Variants in XRCC5 observed in about 807,000 individuals in gnomAD.
XRCC5 encodes the protein X-ray repair cross complementing 5, also known as DNA repair protein Ku80.
Under a neutral mutation model 95.7 loss-of-function variants are expected in XRCC5, and 12 were observed. The ratio of observed to expected loss-of-function variants is 0.13; its 90% CI spans 0.08 to 0.20. The LOEUF is 0.20. XRCC5 is among the 10% of genes least tolerant of loss of function. The probability of loss-of-function intolerance (pLI) is 1.00; values close to 1 mark genes in which losing one functional copy is unlikely to be tolerated. For missense variants in XRCC5, 595 were observed against 873.9 expected (o/e 0.68, Z 4.02); for synonymous variants, 281 against 290.3 (o/e 0.97, Z 0.33).
At chr2:216,171,944 G>A (rs1689173210) in intron 16 of XRCC5, among the ~76,000 whole-genome samples, 1 of 152,186 alleles carries the variant, frequency 6.6e-6, no homozygotes, top group African/African-American at 2.4e-5. Flanking sequence ...AAATTATAGA[G>A]TTGTGAAATT....
chr2:216,189,642 C>A (rs575930005), intron 16 of XRCC5, among the ~76,000 whole-genome samples: 1 of 152,216 alleles, frequency 6.6e-6, no homozygotes, highest in South Asian at 2.1e-4. Context: ...ATATTCAGGT[C>A]CAGCTAAGGG....
chr2:216,153,124 C>A (rs1384395589), intron 14 of XRCC5, among the ~76,000 whole-genome samples: 1 of 152,158 alleles, frequency 6.6e-6, no homozygotes, highest in Non-Finnish European at 1.5e-5. Context: ...AGCTCTCATT[C>A]TCACCAGCTT....
chr2:216,124,730 C>G (rs998015968), intron 6 of XRCC5, among the ~76,000 whole-genome samples: 2 of 152,146 alleles, frequency 1.3e-5, no homozygotes, highest in African/African-American at 2.4e-5. Context: ...CTTTGTAGAT[C>G]TGTTTTTTAT....
At chr2:216,173,185 C>G (rs1689203450) in intron 16 of XRCC5, among the ~76,000 whole-genome samples, 1 of 151,894 alleles carries the variant, frequency 6.6e-6, no homozygotes, top group Admixed American at 6.6e-5. Flanking sequence ...GAAAGCTTTA[C>G]TTCTTCTTTT....
chr2:216,138,880 G>A (rs1442734467), intron 12 of XRCC5, among the ~76,000 whole-genome samples: 1 of 152,220 alleles, frequency 6.6e-6, no homozygotes, highest in Non-Finnish European at 1.5e-5. Context: ...GTCTGTGTCT[G>A]TGTTAAGATT....
intron 5 of XRCC5, among the ~76,000 whole-genome samples, chr2:216,120,658 T>G (rs1696787035): frequency 6.6e-6 from 1 of 152,204 alleles, no homozygotes; most frequent in Non-Finnish European, 1.5e-5. Flanking sequence ...TGGGTTCAAG[T>G]GAACCTCCTA....
intron 14 of XRCC5, 89 bp downstream of exon 14, chr2:216,148,365 C>T: frequency 1.6e-6 from 2 of 1,240,408 alleles, no homozygotes; most frequent in Non-Finnish European, 2.2e-6. Flanking sequence ...ACATAGGGGT[C>T]TATGGAATTT....
rs41298738 is a variant in XRCC5 at position 216,118,606 on chromosome 2, T to A, written c.369-437T>A. Among the ~76,000 whole-genome samples, 299 of 152,352 alleles carry A rather than the reference T, an allele frequency of 2.0e-3. 2 individuals are homozygous for A. The highest frequency in any genetic ancestry group is 6.8e-3 in the African/African-American group (283 of 41,578). On this transcript the variant is annotated intron_variant, in intron 4 of 20. Coordinates refer to ENST00000392132, the MANE Select transcript of XRCC5 (RefSeq NM_021141.4). ...TGCACTAAAATCCCAGACCTAAATC[T>A]GTGTAATCATTTCTCAATCTCTGTA...
At chr2:216,189,414 G>T (rs916037068) in intron 16 of XRCC5, among the ~76,000 whole-genome samples, 1 of 152,194 alleles carries the variant, frequency 6.6e-6, no homozygotes, top group Non-Finnish European at 1.5e-5. Flanking sequence ...GTTTTGATCT[G>T]CACAGCATTA....
At chr2:216,188,426 CAT>C (rs1689548968) in intron 16 of XRCC5, among the ~76,000 whole-genome samples, 1 of 152,336 alleles carries the variant, frequency 6.6e-6, no homozygotes, top group East Asian at 1.9e-4. Flanking sequence ...CAGAACATAA[CAT>C]AGTATCTTCT....
At chr2:216,143,431 T>C (rs1697202043) in intron 13 of XRCC5, among the ~76,000 whole-genome samples, 1 of 152,198 alleles carries the variant, frequency 6.6e-6, no homozygotes, top group South Asian at 2.1e-4. Context: ...ATTAATACTA[T>C]TTTGCACACT....
intron 14 of XRCC5, among the ~76,000 whole-genome samples, chr2:216,148,904 A>G (rs182418476): frequency 1.1e-3 from 165 of 151,740 alleles, no homozygotes; most frequent in Non-Finnish European, 1.7e-3. Context: ...TTCAAAACAA[A>G]ACAAAAATAA....
intron 16 of XRCC5, among the ~76,000 whole-genome samples, chr2:216,185,215 CT>C (rs1282159165): frequency 6.6e-6 from 1 of 152,192 alleles, no homozygotes; most frequent in Non-Finnish European, 1.5e-5. Flanking sequence ...CTTTAACACA[CT>C]TCGTAACCTG....
rs149236786 is a variant in XRCC5, at chr2:216,141,427, G to A, written c.1476+108G>A. On this transcript the variant is annotated intron_variant, in intron 13 of 20. Transcript: ENST00000392132. Reference sequence around the variant, plus strand: ...AAATAAATGTCTTTTTTCTCTGAAGGCCCCATTTGCTCTATTTAATGGAAG... The same window carrying A: ...AAATAAATGTCTTTTTTCTCTGAAGACCCCATTTGCTCTATTTAATGGAAG... 77 of 1,136,728 alleles carry A rather than the reference G, an allele frequency of 6.8e-5. No homozygotes were observed. The East Asian group carries it at 1.8e-3, about 27-fold the overall frequency. 70.4% of individuals were successfully genotyped at this position (1,136,728 alleles called of 1,614,324 possible).
intron 2 of XRCC5, among the ~76,000 whole-genome samples, chr2:216,115,782 G>C (rs1243113766): frequency 1.3e-5 from 2 of 151,326 alleles, no homozygotes; most frequent in Non-Finnish European, 2.9e-5. Context: ...GTCTTATGCT[G>C]TAAATCCTAA....
At chr2:216,171,585 C>T (rs1414836456) in intron 16 of XRCC5, among the ~76,000 whole-genome samples, 2 of 152,140 alleles carry the variant, frequency 1.3e-5, no homozygotes, top group Admixed American at 6.5e-5. Context: ...CTGTTCATGT[C>T]TCTCAGTGGT....
intron 14 of XRCC5, among the ~76,000 whole-genome samples, chr2:216,157,316 C>T (rs1688864157): frequency 6.6e-6 from 1 of 151,912 alleles, no homozygotes; most frequent in Non-Finnish European, 1.5e-5. Context: ...TCACTGCAAG[C>T]TCTGCCTCCC....
At chr2:216,120,963 G>A (rs553026490) in intron 5 of XRCC5, among the ~76,000 whole-genome samples, 2 of 151,924 alleles carry the variant, frequency 1.3e-5, no homozygotes, top group African/African-American at 4.8e-5. Context: ...CTTGAACTCC[G>A]GACCTCAAGT....
In XRCC5 at chr2:216,182,320, C is replaced by A. The variant is rs1020580717; in HGVS notation, c.1835-7905C>A. Among the ~76,000 whole-genome samples, 23 of 152,194 alleles carry A rather than the reference C, an allele frequency of 1.5e-4. 1 individual carries two copies. Among genetic ancestry groups the A allele is most frequent in the African/African-American group, 5.6e-4 (23 of 41,428 alleles). ...CTTGGCTGCACTGTTACTATGACTA[C>A]TTGGTATCTTCTACTTACTTCCTAT... On this transcript the variant is annotated intron_variant, in intron 16 of 20. Transcript: ENST00000392132.
Sources: allele counts gnomAD v4.1 joint callset (sites outside exome capture counted in the v4.1 genomes callset), GRCh38; gene constraint gnomAD v4.1.1; transcripts MANE v1.5; gene names NCBI Gene and HGNC (gene_info 2026-07-23, HGNC 2026-07-21).